The following ANK3 variants were observed in gnomAD, a reference collection of about 807,000 sequenced individuals.
ANK3 encodes ankyrin-3.
ANK3 carries 57 observed loss-of-function variants against 370.9 expected under a neutral mutation model. That is an observed-to-expected ratio of 0.15 (90% confidence interval 0.12 to 0.19). The LOEUF is 0.19. Ranked by LOEUF, ANK3 falls within the 10% of genes least tolerant of loss-of-function variation. The pLI, the probability that ANK3 is intolerant of heterozygous loss-of-function variation, is 1.00. For missense variants in ANK3, 4,439 were observed against 5,302.1 expected, an observed-to-expected ratio of 0.84 and a Z score of 5.06; for synonymous variants, 1,929 against 1,946.3, an observed-to-expected ratio of 0.99 and a Z score of 0.23.
intron 2 of ANK3, among the ~76,000 whole-genome samples, chr10:60,588,814 C>T (rs892441197): frequency 1.3e-5 from 2 of 152,032 alleles, no homozygotes; most frequent in African/African-American, 4.8e-5. Context: ...GGAGGCAGAA[C>T]TCAGAGGATG....
chr10:60,300,207 T>A (rs1313833286), intron 1 of ANK3: 2 of 535,834 alleles, frequency 3.7e-6, no homozygotes, highest in Non-Finnish European at 6.6e-6. Context: ...TGCAAACAGG[T>A]TAATTTGCTT....
chr10:60,031,487 C>G (rs1378334812), intron 43 of ANK3, among the ~76,000 whole-genome samples: 1 of 152,180 alleles, frequency 6.6e-6, no homozygotes, highest in East Asian at 1.9e-4. Context: ...GTCTCTCCTC[C>G]TTGTTTAGTG....
At chr10:60,615,165 T>C (rs910417785) in intron 2 of ANK3, 4 of 1,462,678 alleles carry the variant, frequency 2.7e-6, no homozygotes, top group Admixed American at 2.3e-5. Context: ...ATTTGTTGAG[T>C]TTAGTGATAA....
In ANK3 at chr10:60,042,504, T is replaced by C. The variant is rs559398053; in HGVS notation, c.*19+168A>G. Among the ~76,000 whole-genome samples the C allele has an allele frequency of 3.3e-5, 5 of 152,348 alleles. 1 individual carries two copies. The South Asian group carries it at 1.0e-3, about 32-fold the overall frequency. Reference sequence around the variant, plus strand: ...GAAACCGAAGTCAAGTTTCATTGTGTGTATATATGCAAACATCAACAGAAC... The same window carrying C: ...GAAACCGAAGTCAAGTTTCATTGTGCGTATATATGCAAACATCAACAGAAC... On this transcript the variant is annotated intron_variant, in intron 43 of 43. Coordinates refer to ENST00000280772, the MANE Select transcript of ANK3 (RefSeq NM_020987.5).
At chr10:60,710,580 A>G (rs1369256705) in intron 1 of ANK3, among the ~76,000 whole-genome samples, 3 of 152,098 alleles carry the variant, frequency 2.0e-5, no homozygotes, top group African/African-American at 4.8e-5. Context: ...AGTGTTTTCA[A>G]ATTGGTGTAA....
chr10:60,329,671 G>A (rs1172561937), intron 1 of ANK3, among the ~76,000 whole-genome samples: 5 of 152,092 alleles, frequency 3.3e-5, no homozygotes, highest in African/African-American at 7.2e-5. Context: ...CCATGCTCAT[G>A]GATAGGAAGA....
intron 8 of ANK3, among the ~76,000 whole-genome samples, chr10:60,230,601 G>T (rs1413252240): frequency 6.6e-6 from 1 of 152,090 alleles, no homozygotes; most frequent in Non-Finnish European, 1.5e-5. Flanking sequence ...AAACATGAAG[G>T]GTTTGGGGGC....
In ANK3 at chr10:60,072,385, G is replaced by A. The variant is rs1589579566; in HGVS notation, c.8496C>T (p.Asp2832=). Residue 2832 remains aspartate, a synonymous_variant, in exon 37 of 44, where the codon GAC becomes GAT. Coordinates refer to ENST00000280772, the MANE Select transcript of ANK3 (RefSeq NM_020987.5). ...PDSFSEQQAK[D]LACHITSDLA... is the part of the protein sequence containing the mutation. ...AATCTGAGGTTATATGACATGCCAA[G>A]TCTTTAGCCTGCTGCTCAGAAAAAG... The A allele has an allele frequency of 6.2e-7, 1 of 1,614,018 alleles. No individual in the cohort carries two copies.
At chr10:60,327,718 C>T (rs1000056371) in intron 1 of ANK3, among the ~76,000 whole-genome samples, 1 of 152,086 alleles carries the variant, frequency 6.6e-6, no homozygotes, top group East Asian at 1.9e-4. Flanking sequence ...AGGATAAAAC[C>T]TAAAAGATGC....
chr10:60,660,672 G>A (rs1478822381), intron 1 of ANK3, among the ~76,000 whole-genome samples: 1 of 152,094 alleles, frequency 6.6e-6, no homozygotes, highest in Non-Finnish European at 1.5e-5. Flanking sequence ...AATATTAATA[G>A]TTCTCTGGGG....
intron 8 of ANK3, among the ~76,000 whole-genome samples, chr10:60,218,742 G>T (rs977569706): frequency 2.0e-5 from 3 of 151,928 alleles, no homozygotes; most frequent in Admixed American, 6.6e-5. Flanking sequence ...ACCTTGGAGA[G>T]TCTGATTATT....
At chr10:60,346,414 T>C (rs934611178) in intron 1 of ANK3, among the ~76,000 whole-genome samples, 1 of 151,964 alleles carries the variant, frequency 6.6e-6, no homozygotes, top group Admixed American at 6.6e-5. Flanking sequence ...CAAAACTATC[T>C]GCAAAGGACA....
At chr10:60,402,022 G>A (rs2063361372) in intron 2 of ANK3, among the ~76,000 whole-genome samples, 2 of 152,172 alleles carry the variant, frequency 1.3e-5, no homozygotes, top group Admixed American at 1.3e-4. Flanking sequence ...ACAGTTGGCA[G>A]ACAGAATGGG....
chr10:60,655,375 G>C (rs2078849543), intron 1 of ANK3, among the ~76,000 whole-genome samples: 1 of 151,904 alleles, frequency 6.6e-6, no homozygotes, highest in South Asian at 2.1e-4. Flanking sequence ...TAATATTGAT[G>C]ATCCTAACCC....
At position 60,073,712 on chromosome 10, in the gene ANK3, C is replaced by T. The variant is rs758298759; in HGVS notation, c.7169G>A (p.Gly2390Asp). 4 of 1,613,910 alleles carry T rather than the reference C, an allele frequency of 2.5e-6. No homozygotes were observed. Among genetic ancestry groups the T allele is most frequent in the Non-Finnish European group, 2.5e-6 (3 of 1,180,028 alleles). ...AGTAAGTTCTTCTTCTTCTTGCTGA[C>T]CCTGTTCCTCTGAACAAGGAAAAGC... ...HDAFPCSEEQ[G>D]QQEEEELTAE... Residue 2390 changes from glycine to aspartate, a missense_variant, in exon 37 of 44, where the codon GGT (glycine) becomes GAT (aspartate). Transcript: ENST00000280772.
At chr10:60,698,331 G>A (rs1564578183) in intron 1 of ANK3, among the ~76,000 whole-genome samples, 1 of 151,502 alleles carries the variant, frequency 6.6e-6, no homozygotes, top group Non-Finnish European at 1.5e-5. Context: ...AACCATTGTG[G>A]AAGTCAGTGT....
At chr10:60,375,800 A>G (rs2132808599) in intron 1 of ANK3, among the ~76,000 whole-genome samples, 1 of 152,226 alleles carries the variant, frequency 6.6e-6, no homozygotes. Flanking sequence ...TTATTTATTT[A>G]CCCTCAGCTT....
intron 9 of ANK3, among the ~76,000 whole-genome samples, chr10:60,211,309 A>G (rs1162937764): frequency 1.3e-5 from 2 of 152,102 alleles, no homozygotes; most frequent in East Asian, 1.9e-4. Context: ...GCCCAGGCAG[A>G]ACAGAGGGCA....
Position 60,345,900 on chromosome 10 carries a change from A to G in ANK3, c.114+43525T>C, listed in dbSNP as rs183973075. Among the ~76,000 whole-genome samples, 134 of 152,270 alleles carry G rather than the reference A, an allele frequency of 8.8e-4. 1 individual carries two copies. The highest frequency in any genetic ancestry group is 3.1e-3 in the African/African-American group (128 of 41,586). ...ATTGATTCTAGGAGCATAGACTGAT[A>G]TGGGGAAGATGCCAGGAAGTCTAAA... On this transcript the variant is annotated intron_variant, in intron 1 of 43. Coordinates refer to ENST00000280772, the MANE Select transcript of ANK3 (RefSeq NM_020987.5).
Sources: gnomAD v4.1 joint callset for allele counts (sites outside exome capture counted in the v4.1 genomes callset) on GRCh38, gnomAD v4.1.1 for gene constraint, MANE v1.5 for transcripts, NCBI Gene and HGNC (gene_info 2026-07-23, HGNC 2026-07-21) for gene names.